B3GALNT2: variants seen among roughly 807,000 people sequenced by gnomAD.
The protein encoded by B3GALNT2 is UDP-GalNAc:beta-1,3-N-acetylgalactosaminyltransferase 2.
In B3GALNT2, 53 loss-of-function variants were observed where a neutral mutation model predicts 61.1. The ratio of observed to expected loss-of-function variants is 0.87; its 90% CI spans 0.70 to 1.09. The LOEUF (loss-of-function observed/expected upper bound fraction) is 1.09, where lower values mean the gene tolerates loss of function less well. Ranked by LOEUF, B3GALNT2 falls within the 50% of genes least tolerant of loss-of-function variation. The pLI, the probability that B3GALNT2 is intolerant of heterozygous loss-of-function variation, is 0.00. For synonymous variants in B3GALNT2, 223 were observed against 237.4 expected, an observed-to-expected ratio of 0.94 and a Z score of 0.56; for missense variants, 544 against 623.0, an observed-to-expected ratio of 0.87 and a Z score of 1.35.
At position 235,448,601 on chromosome 1, in the gene B3GALNT2, G is replaced by A; in HGVS notation, c.*1605C>T. 7.0e-7 allele frequency: 1 copy of A among 1,426,472 alleles called. No homozygotes were observed. The highest frequency in any genetic ancestry group is 9.9e-7 in the Non-Finnish European group (1 of 1,009,442). 88.4% of individuals were successfully genotyped at this position (1,426,472 alleles called of 1,614,324 possible). A position where few individuals can be genotyped will look rare whatever the true frequency, so the allele number is the denominator to read the frequency against. On this transcript the variant is annotated 3_prime_UTR_variant, in exon 12 of 12. Transcript: ENST00000366600. ...ACTGCCTGGGGACGGGGTGGGGGAA[G>A]AGTATGTGTAGCATGCTTTATCGGA...
Position 235,448,182 on chromosome 1 carries a change from A to C in B3GALNT2, c.*2024T>G, listed in dbSNP as rs1037347990. On this transcript the variant is annotated 3_prime_UTR_variant, in exon 12 of 12. Transcript: ENST00000366600. ...ACCATTGCACTCCAGCCTGGGCGAC[A>C]GAGCAAGACTTACTTAAGTAAGTAA... is the stretch of plus-strand genomic sequence containing the variant. Among the ~76,000 whole-genome samples the C allele has an allele frequency of 1.3e-5, 2 of 149,878 alleles. No individual in the cohort carries two copies. Among genetic ancestry groups the C allele is most frequent in the Non-Finnish European group, 3.0e-5 (2 of 67,666 alleles).
At chr1:235,455,522 T>C in intron 9 of B3GALNT2, 37 bp downstream of exon 9, 1 of 1,596,872 alleles carries the variant, frequency 6.3e-7, no homozygotes, top group South Asian at 1.1e-5. Context: ...TTTGATCAGG[T>C]ACACGAATGC....
rs773931800 is a variant in B3GALNT2 at position 235,453,070 on chromosome 1, G to A, written c.1368+20C>T. Reference sequence around the variant, plus strand: ...CCTCCTCAACTCTTAAGAACCCTGAGGCCATCCCCAAAGACTTACCTGGTA... The same window carrying A: ...CCTCCTCAACTCTTAAGAACCCTGAAGCCATCCCCAAAGACTTACCTGGTA... On this transcript the variant is annotated intron_variant, in intron 11 of 11. Coordinates refer to ENST00000366600, the MANE Select transcript of B3GALNT2 (RefSeq NM_152490.5). The A allele has an allele frequency of 2.5e-6, 4 of 1,597,894 alleles. No homozygotes were observed. Among genetic ancestry groups the A allele is most frequent in the South Asian group, 2.2e-5 (2 of 90,656 alleles).
At chr1:235,444,654 C>T (rs1374899766), downstream of B3GALNT2, among the ~76,000 whole-genome samples, 1 of 152,234 alleles carries the variant, frequency 6.6e-6, no homozygotes, top group Non-Finnish European at 1.5e-5. Flanking sequence ...GTTCTCCTGT[C>T]ATCACCTCCC....
chr1:235,484,286 A>G, intron 4 of B3GALNT2, 36 bp downstream of exon 4: 1 of 1,533,378 alleles, frequency 6.5e-7, no homozygotes, highest in Non-Finnish European at 8.7e-7. Flanking sequence ...TTTGAAAAAG[A>G]AAAAAGAGAA....
chr1:235,474,697 C>CAGGAGGCTGT (rs1397796092), intron 5 of B3GALNT2, among the ~76,000 whole-genome samples: 1 of 151,356 alleles, frequency 6.6e-6, no homozygotes, highest in East Asian at 2.0e-4. Flanking sequence ...GGCAGGCACT[C>CAGGAGGCTGT]GTAATCCCAG....
In B3GALNT2 at chr1:235,449,658, T is replaced by G. The variant is rs1466064136; in HGVS notation, c.*548A>C. 4 of 152,740 alleles carry G rather than the reference T, an allele frequency of 2.6e-5. No individual in the cohort carries two copies. Among genetic ancestry groups the G allele is most frequent in the Admixed American group, 6.5e-5 (1 of 15,352 alleles). The allele number at this position is 152,740 out of a possible 1,614,324, so 9.5% of individuals were successfully genotyped here. On this transcript the variant is annotated 3_prime_UTR_variant, in exon 12 of 12. Transcript: ENST00000366600. ...CTTCAAGTTAGTTCAAGTTGCCCAC[T>G]TCAGAGATCCACAAAATCTGACATT...
At chr1:235,443,039 CT>C, downstream of B3GALNT2, 2 of 883,620 alleles carry the variant, frequency 2.3e-6, 1 homozygote, top group Non-Finnish European at 3.6e-6. Context: ...TTTCATTAGT[CT>C]TTTATATTCT....
In B3GALNT2 at chr1:235,484,800, A is replaced by G. The variant is rs919691116; in HGVS notation, c.362-285T>C. On this transcript the variant is annotated intron_variant, in intron 3 of 11. Transcript: ENST00000366600. ...GTGCATATATATGTATAAACGCCAC[A>G]GGAGATATTAAATTTAAGTCAACTG... is the stretch of plus-strand genomic sequence containing the variant. 1.6e-5 allele frequency: 5 copies of G among 304,742 alleles called. No individual in the cohort carries two copies. In the Admixed American group the frequency reaches 2.5e-4, roughly 15 times the overall value. 18.9% of individuals were successfully genotyped at this position (304,742 alleles called of 1,614,324 possible). A position where few individuals can be genotyped will look rare whatever the true frequency, so the allele number is the denominator to read the frequency against.
downstream of B3GALNT2, among the ~76,000 whole-genome samples, chr1:235,444,140 T>C (rs1682082597): frequency 6.6e-6 from 1 of 152,268 alleles, no homozygotes; most frequent in Non-Finnish European, 1.5e-5. Context: ...AAGCTTATCA[T>C]GGTATTGCTT....
the B3GALNT2 span, among the ~76,000 whole-genome samples, chr1:235,439,883 C>T: frequency 6.6e-6 from 1 of 151,962 alleles, no homozygotes; most frequent in Non-Finnish European, 1.5e-5. Flanking sequence ...CTCATTGCAA[C>T]CTCCACCTCC....
At chr1:235,457,297 C>G (rs1294865415) in intron 8 of B3GALNT2, among the ~76,000 whole-genome samples, 1 of 151,970 alleles carries the variant, frequency 6.6e-6, no homozygotes, top group Non-Finnish European at 1.5e-5. Flanking sequence ...CTGGGCCTCA[C>G]ACCAAGGAAC....
intron 1 of B3GALNT2, among the ~76,000 whole-genome samples, chr1:235,498,660 G>A (rs1342951753): frequency 1.3e-5 from 2 of 151,922 alleles, no homozygotes; most frequent in African/African-American, 4.8e-5. Context: ...GGCCAATATG[G>A]TGAAACCTCA....
chr1:235,453,385 T>C (rs995647766), intron 10 of B3GALNT2, among the ~76,000 whole-genome samples: 3 of 152,072 alleles, frequency 2.0e-5, no homozygotes, highest in Non-Finnish European at 4.4e-5. Flanking sequence ...CCTTCTCATG[T>C]ACCTTAAGCT....
At chr1:235,486,473 T>C (rs576191419) in intron 3 of B3GALNT2, among the ~76,000 whole-genome samples, 2 of 152,218 alleles carry the variant, frequency 1.3e-5, no homozygotes, top group Non-Finnish European at 2.9e-5. Flanking sequence ...TCAAGTTACG[T>C]GGACACAGGA....
chr1:235,456,113 A>C (rs1312635630), intron 8 of B3GALNT2, among the ~76,000 whole-genome samples: 1 of 152,226 alleles, frequency 6.6e-6, no homozygotes, highest in Non-Finnish European at 1.5e-5. Context: ...ACGCTATTGT[A>C]CAAGATGCAT....
At chr1:235,451,472 C>CAAAAAAAAAAAAAAAAAAA (rs11464279) in intron 11 of B3GALNT2, 1 of 83,064 alleles carries the variant, frequency 1.2e-5, no homozygotes, top group Non-Finnish European at 2.3e-5. Flanking sequence ...GAGATGGTCA[C>CAAAAAAAAAAAAAAAAAAA]AAAAAAAAAA....
chr1:235,480,905 CAAAAAAAAAAAAAAAAAAA>C (rs55666590), intron 4 of B3GALNT2, among the ~76,000 whole-genome samples: 21 of 31,132 alleles, frequency 6.7e-4, no homozygotes, highest in Admixed American at 1.8e-3. Flanking sequence ...GACTCTGTCT[CAAAAAAAAAAAAAAAAAAA>C]AAAAAAAAAA....
At chr1:235,475,671 A>C (rs1311865141) in intron 5 of B3GALNT2, among the ~76,000 whole-genome samples, 1 of 152,210 alleles carries the variant, frequency 6.6e-6, no homozygotes, top group Admixed American at 6.5e-5. Context: ...ACAACAGGAG[A>C]GAATTTTTTT....
Sources: allele counts gnomAD v4.1 joint callset (sites outside exome capture counted in the v4.1 genomes callset), GRCh38; gene constraint gnomAD v4.1.1; transcripts MANE v1.5; gene names NCBI Gene and HGNC (gene_info 2026-07-23, HGNC 2026-07-21).